The following SGPP1 variants were observed in gnomAD, a reference collection of about 807,000 sequenced individuals.
SGPP1 encodes the protein sphingosine-1-phosphate phosphatase 1, also known as hSPP1.
SGPP1 carries 21 observed loss-of-function variants against 33.0 expected under a neutral mutation model. The observed-to-expected ratio is 0.64, with a 90% CI of 0.45 to 0.92. SGPP1 has a LOEUF of 0.92. Ranked by LOEUF, SGPP1 falls within the 40% of genes least tolerant of loss-of-function variation. The probability of loss-of-function intolerance (pLI) is 0.00; values close to 1 mark genes in which losing one functional copy is unlikely to be tolerated. For synonymous variants in SGPP1, 239 were observed against 241.2 expected, an observed-to-expected ratio of 0.99 and a Z score of 0.08; for missense variants, 543 against 589.4, an observed-to-expected ratio of 0.92 and a Z score of 0.81.
At position 63,685,918 on chromosome 14, in the gene SGPP1, C is replaced by A; in HGVS notation, c.*187G>T. ...TATCATTTTCTCAGTAACGAAATAG[C>A]TCAGCTCACCTAAAACAGTATCTGG... is the stretch of plus-strand genomic sequence containing the variant. On this transcript the variant is annotated 3_prime_UTR_variant, in exon 3 of 3. Coordinates refer to ENST00000247225, the MANE Select transcript of SGPP1 (RefSeq NM_030791.4). 1 of 414,416 alleles carries A rather than the reference C, an allele frequency of 2.4e-6. No homozygotes were observed. The highest frequency in any genetic ancestry group is 4.2e-6 in the Non-Finnish European group (1 of 236,538). The allele number at this position is 414,416 out of a possible 1,614,324, so 25.7% of individuals were successfully genotyped here.
At chr14:63,726,876 A>G (rs1460493504) in intron 1 of SGPP1, among the ~76,000 whole-genome samples, 1 of 152,172 alleles carries the variant, frequency 6.6e-6, no homozygotes, top group African/African-American at 2.4e-5. Context: ...AAGGCACCAT[A>G]TATTACGGTG....
chr14:63,710,884 A>C (rs1176531770), intron 1 of SGPP1, among the ~76,000 whole-genome samples: 3 of 152,198 alleles, frequency 2.0e-5, no homozygotes, highest in South Asian at 4.1e-4. Context: ...CTAGCCGCAT[A>C]ATCTCTTTAC....
chr14:63,719,000 ATATATATATATATATTTTTTTTTT>A (rs1306280838), intron 1 of SGPP1, among the ~76,000 whole-genome samples: 811 of 24,226 alleles, frequency 0.033, 15 homozygotes, highest in African/African-American at 0.14. Flanking sequence ...ATATATATAT[ATATATATATATATATTTTTTTTTT>A]TTTTTTTTTT....
At chr14:63,687,983 T>G (rs997859741) in intron 2 of SGPP1, among the ~76,000 whole-genome samples, 1 of 151,984 alleles carries the variant, frequency 6.6e-6, no homozygotes, top group African/African-American at 2.4e-5. Flanking sequence ...AAATTAGCTG[T>G]GTGTGGTGGC....
At chr14:63,721,288 T>C (rs1479253141) in intron 1 of SGPP1, among the ~76,000 whole-genome samples, 1 of 151,070 alleles carries the variant, frequency 6.6e-6, no homozygotes, top group Non-Finnish European at 1.5e-5. Context: ...TCAAAAAAAA[T>C]ACAAAATTAG....
chr14:63,717,655 T>C (rs955991496), intron 1 of SGPP1, among the ~76,000 whole-genome samples: 1 of 151,868 alleles, frequency 6.6e-6, no homozygotes, highest in African/African-American at 2.4e-5. Context: ...CGAATGGAAG[T>C]GGGGAAGGGA....
chr14:63,700,124 T>C lies in SGPP1; in HGVS notation c.685-1466A>G, dbSNP rs1311067541. 9.9e-5 allele frequency among the ~76,000 whole-genome samples: 15 copies of C among 151,622 alleles called. 1 individual carries two copies. On this transcript the variant is annotated intron_variant, in intron 1 of 2. Coordinates refer to ENST00000247225, the MANE Select transcript of SGPP1 (RefSeq NM_030791.4). ...ACTACAGATGGGTATCTCAAACTCC[T>C]GAGTTCAAGCGATCCACACACCTTG...
intron 2 of SGPP1, among the ~76,000 whole-genome samples, chr14:63,695,303 G>A (rs867630979): frequency 1.3e-5 from 2 of 152,288 alleles, no homozygotes; most frequent in South Asian, 4.1e-4. Context: ...TGATCCGCCC[G>A]CCTCTGCCTC....
chr14:63,692,769 A>T (rs1022393798), intron 2 of SGPP1, among the ~76,000 whole-genome samples: 7 of 151,976 alleles, frequency 4.6e-5, no homozygotes, highest in Admixed American at 2.0e-4. Flanking sequence ...TTTTTTTTTG[A>T]ACAGGATGTC....
At chr14:63,723,219 T>C (rs1885811899) in intron 1 of SGPP1, among the ~76,000 whole-genome samples, 1 of 152,178 alleles carries the variant, frequency 6.6e-6, no homozygotes, top group Admixed American at 6.6e-5. Context: ...TCTTAATTTT[T>C]TTTCCAATTC....
intron 1 of SGPP1, among the ~76,000 whole-genome samples, chr14:63,723,420 C>G (rs950032630): frequency 6.6e-6 from 1 of 151,998 alleles, no homozygotes; most frequent in Non-Finnish European, 1.5e-5. Context: ...TGTCTTATAA[C>G]GTACCTTAAA....
chr14:63,725,111 G>T (rs376665115), intron 1 of SGPP1, among the ~76,000 whole-genome samples: 1 of 152,162 alleles, frequency 6.6e-6, no homozygotes, highest in African/African-American at 2.4e-5. Context: ...AGTGGCTCAC[G>T]CCTGTAATCC....
chr14:63,694,422 T>C lies in SGPP1; in HGVS notation c.774+4147A>G, dbSNP rs137963135. 5.9e-5 allele frequency among the ~76,000 whole-genome samples: 9 copies of C among 152,346 alleles called. No individual in the cohort carries two copies. In the East Asian group the frequency reaches 1.7e-3, roughly 29 times the overall value. On this transcript the variant is annotated intron_variant, in intron 2 of 2. Transcript: ENST00000247225. ...AATCCATTATTTGTTGTCCTCTACT[T>C]TTTGTGTATAGCTCCACGAGTATTA...
chr14:63,717,915 T>C (rs777570733), intron 1 of SGPP1, among the ~76,000 whole-genome samples: 4 of 152,082 alleles, frequency 2.6e-5, no homozygotes, highest in Non-Finnish European at 4.4e-5. Context: ...TCAAAAACTA[T>C]GCAAGCCAGA....
At chr14:63,720,224 T>C (rs1420370871) in intron 1 of SGPP1, among the ~76,000 whole-genome samples, 2 of 148,990 alleles carry the variant, frequency 1.3e-5, no homozygotes, top group South Asian at 2.1e-4. Flanking sequence ...GCCCAGGAGA[T>C]TGAGACCAAC....
chr14:63,721,071 C>T (rs1050609523), intron 1 of SGPP1, among the ~76,000 whole-genome samples: 1 of 152,116 alleles, frequency 6.6e-6, no homozygotes, highest in African/African-American at 2.4e-5. Flanking sequence ...TTAATAGACA[C>T]GGGGTTTCAC....
At position 63,686,156 on chromosome 14, in the gene SGPP1, G is replaced by A; in HGVS notation, c.1275C>T (p.Phe425=). 6.2e-7 allele frequency: 1 copy of A among 1,610,356 alleles called. No individual in the cohort carries two copies. The highest frequency in any genetic ancestry group is 1.1e-5 in the South Asian group (1 of 90,188). ...TGTAAGGAACAAAAAATGTGATGGAGAAACCAACCATTCCATAGGTAATAT... is the reference window on the plus strand; with the variant it reads ...TGTAAGGAACAAAAAATGTGATGGAAAAACCAACCATTCCATAGGTAATAT... ...YRYITYGMVG[F]SITFFVPYIF... The change falls in exon 3 of 3, where the codon TTC becomes TTT. Residue 425 remains phenylalanine (F), a synonymous_variant. Transcript: ENST00000247225.
At position 63,718,293 on chromosome 14, in the gene SGPP1, C is replaced by A. The variant is rs549608199; in HGVS notation, c.684+8968G>T. The stretch of plus-strand genomic sequence containing the variant: ...CCAAGAGAAAAAACAAAACTATCAA[C>A]CTAGAATTCTGAATTCTGTATCTTT... On this transcript the variant is annotated intron_variant, in intron 1 of 2. Transcript: ENST00000247225. Among the ~76,000 whole-genome samples the A allele has an allele frequency of 2.8e-4, 42 of 150,734 alleles. No individual in the cohort carries two copies. In the Middle Eastern group the frequency reaches 0.011, roughly 38 times the overall value.
intron 1 of SGPP1, among the ~76,000 whole-genome samples, chr14:63,711,110 T>C (rs1217032647): frequency 6.7e-6 from 1 of 150,264 alleles, no homozygotes; most frequent in African/African-American, 2.5e-5. Context: ...GCCTCCCGGG[T>C]TCAAGCGATT....
Sources: allele counts gnomAD v4.1 joint callset (sites outside exome capture counted in the v4.1 genomes callset), GRCh38; gene constraint gnomAD v4.1.1; transcripts MANE v1.5; gene names NCBI Gene and HGNC (gene_info 2026-07-23, HGNC 2026-07-21).